The following KHDRBS2 variants were observed in gnomAD, a reference collection of about 807,000 sequenced individuals.
The protein encoded by KHDRBS2 is KH domain-containing, RNA-binding, signal transduction-associated protein 2.
In KHDRBS2, 26 loss-of-function variants were observed where a neutral mutation model predicts 44.3. The observed-to-expected ratio is 0.59, with a 90% CI of 0.43 to 0.81. The LOEUF (loss-of-function observed/expected upper bound fraction) is 0.81, where lower values mean the gene tolerates loss of function less well. Among genes scored for constraint, KHDRBS2 ranks in the 40% least tolerant of loss-of-function variants. KHDRBS2 has a pLI of 0.00. For synonymous variants in KHDRBS2, 194 were observed against 151.1 expected (o/e 1.28, Z -2.08); for missense variants, 476 against 433.1 (o/e 1.10, Z -0.88).
intron 6 of KHDRBS2, among the ~76,000 whole-genome samples, chr6:61,792,304 T>C (rs1784740297): frequency 6.6e-6 from 1 of 151,456 alleles, no homozygotes; most frequent in East Asian, 1.9e-4. Context: ...AGTTTCTATA[T>C]TAAATATTTC....
intron 6 of KHDRBS2, among the ~76,000 whole-genome samples, chr6:61,881,958 T>A (rs79387128): frequency 0.01 from 1,534 of 152,132 alleles, 12 homozygotes; most frequent in Middle Eastern, 0.017. Flanking sequence ...ATAAATGGCC[T>A]CCAGAAATTA....
intron 6 of KHDRBS2, among the ~76,000 whole-genome samples, chr6:61,756,428 T>A (rs1778497200): frequency 6.6e-6 from 1 of 151,928 alleles, no homozygotes; most frequent in Non-Finnish European, 1.5e-5. Flanking sequence ...CTTGGGTAAG[T>A]TTTGTGTGTT....
intron 2 of KHDRBS2, among the ~76,000 whole-genome samples, chr6:62,072,769 C>T (rs1001409493): frequency 2.6e-5 from 4 of 152,124 alleles, no homozygotes; most frequent in South Asian, 2.1e-4. Flanking sequence ...ATTTTTGCAT[C>T]GATGTTCATC....
At chr6:61,693,293 T>C (rs140585964) in intron 8 of KHDRBS2, among the ~76,000 whole-genome samples, 115 of 152,248 alleles carry the variant, frequency 7.6e-4, no homozygotes, top group East Asian at 4.1e-3. Context: ...ACCTAATACC[T>C]AATATCCTAC....
chr6:61,942,930 GAAAGAA>G (rs1285812720), intron 4 of KHDRBS2, among the ~76,000 whole-genome samples: 2 of 142,740 alleles, frequency 1.4e-5, no homozygotes, highest in Non-Finnish European at 3.0e-5. Context: ...TGGAAAGAAG[GAAAGAA>G]AAAGAAAAAG....
intron 6 of KHDRBS2, among the ~76,000 whole-genome samples, chr6:61,807,539 G>A (rs1196942758): frequency 6.6e-5 from 10 of 151,934 alleles, no homozygotes; most frequent in Admixed American, 2.6e-4. Context: ...GGAGCTGGGC[G>A]CTATTATCCT....
chr6:61,601,910 G>A, the KHDRBS2 span, among the ~76,000 whole-genome samples: 1 of 152,054 alleles, frequency 6.6e-6, no homozygotes, highest in Non-Finnish European at 1.5e-5. Flanking sequence ...AAGGTGGCTG[G>A]AGCTAAAGGC....
At chr6:61,999,405 T>G (rs991102763) in intron 3 of KHDRBS2, among the ~76,000 whole-genome samples, 11 of 152,118 alleles carry the variant, frequency 7.2e-5, no homozygotes, top group Non-Finnish European at 1.6e-4. Flanking sequence ...TTGTACCTGA[T>G]CAAGCATCAT....
chr6:61,691,063 G>T (rs1308449187), intron 8 of KHDRBS2, among the ~76,000 whole-genome samples: 1 of 151,958 alleles, frequency 6.6e-6, no homozygotes, highest in Non-Finnish European at 1.5e-5. Flanking sequence ...GATCCAGTCT[G>T]GTATGGAAGC....
intron 6 of KHDRBS2, among the ~76,000 whole-genome samples, chr6:61,794,656 G>A (rs1473847006): frequency 3.3e-5 from 5 of 151,940 alleles, no homozygotes; most frequent in African/African-American, 1.2e-4. Context: ...TGCAAATTAG[G>A]AGACCATTGA....
At chr6:61,924,947 T>A (rs947078464) in intron 4 of KHDRBS2, among the ~76,000 whole-genome samples, 1 of 152,122 alleles carries the variant, frequency 6.6e-6, no homozygotes, top group African/African-American at 2.4e-5. Context: ...TGGTCGGACA[T>A]TCATAGGTTG....
At chr6:61,557,023 G>T in the KHDRBS2 span, among the ~76,000 whole-genome samples, 1 of 151,688 alleles carries the variant, frequency 6.6e-6, no homozygotes, top group East Asian at 1.9e-4. Context: ...CACCATCAGT[G>T]CAAGTTCCAA....
chr6:62,026,276 C>T (rs1783290405), intron 3 of KHDRBS2, among the ~76,000 whole-genome samples: 5 of 151,842 alleles, frequency 3.3e-5, no homozygotes. Context: ...AAGCCTATTA[C>T]ACCTGATCTC....
intron 6 of KHDRBS2, among the ~76,000 whole-genome samples, chr6:61,873,634 G>GAAA (rs35126124): frequency 6.8e-6 from 1 of 146,214 alleles, no homozygotes; most frequent in African/African-American, 2.5e-5. Flanking sequence ...AGCAAAAAAA[G>GAAA]AAAAAAAAAA....
chr6:62,248,484 G>A (rs922693611), intron 1 of KHDRBS2, among the ~76,000 whole-genome samples: 3 of 151,534 alleles, frequency 2.0e-5, no homozygotes, highest in South Asian at 2.1e-4. Context: ...TCAGCCTCCC[G>A]AGTAACTGGG....
chr6:62,169,169 A>ATGTG (rs1554451188), intron 2 of KHDRBS2, among the ~76,000 whole-genome samples: 6 of 133,920 alleles, frequency 4.5e-5, no homozygotes, highest in African/African-American at 1.2e-4. Flanking sequence ...GTACACATAT[A>ATGTG]TGTATATATG....
At chr6:62,105,806 T>C (rs949822615) in intron 2 of KHDRBS2, among the ~76,000 whole-genome samples, 6 of 152,206 alleles carry the variant, frequency 3.9e-5, no homozygotes, top group Middle Eastern at 3.2e-3. Context: ...TAGTTATTTT[T>C]TGCCTTCTGC....
At chr6:62,243,794 G>A (rs1360723261) in intron 1 of KHDRBS2, among the ~76,000 whole-genome samples, 1 of 152,068 alleles carries the variant, frequency 6.6e-6, no homozygotes, top group African/African-American at 2.4e-5. Flanking sequence ...CAACACTGCA[G>A]AGCTGCTGAG....
intron 8 of KHDRBS2, 43 bp downstream of exon 8, chr6:61,697,152 T>C (rs768453071): frequency 1.9e-5 from 23 of 1,225,050 alleles, no homozygotes; most frequent in Admixed American, 3.4e-5. Flanking sequence ...CGGTGACTGA[T>C]GGATGTTCCG....
Sources: allele counts gnomAD v4.1 joint callset (sites outside exome capture counted in the v4.1 genomes callset), GRCh38; gene constraint gnomAD v4.1.1; transcripts MANE v1.5; gene names NCBI Gene and HGNC (gene_info 2026-07-23, HGNC 2026-07-21).